EIPR1: variants seen among roughly 807,000 people sequenced by gnomAD.
The protein encoded by EIPR1 is EARP complex and GARP complex interacting protein 1, also known as EARP and GARP complex-interacting protein 1.
EIPR1 carries 25 observed loss-of-function variants against 48.1 expected under a neutral mutation model. That is an observed-to-expected ratio of 0.52 (90% CI 0.38 to 0.73). The LOEUF is 0.73. EIPR1 is among the 30% of genes least tolerant of loss of function. The pLI, the probability that EIPR1 is intolerant of heterozygous loss-of-function variation, is 0.00. For synonymous variants in EIPR1, 204 were observed against 201.9 expected, an observed-to-expected ratio of 1.01 and a Z score of -0.09; for missense variants, 415 against 506.2, an observed-to-expected ratio of 0.82 and a Z score of 1.73.
intron 4 of EIPR1, among the ~76,000 whole-genome samples, chr2:3,235,250 C>T (rs6548134): frequency 0.91 from 139,224 of 152,266 alleles, 64,139 homozygotes; most frequent in East Asian, 0.98. Flanking sequence ...AAAAAGGTGA[C>T]GCCGACATGG....
intron 4 of EIPR1, among the ~76,000 whole-genome samples, chr2:3,215,487 G>A (rs1665600804): frequency 6.6e-6 from 1 of 152,142 alleles, no homozygotes; most frequent in Non-Finnish European, 1.5e-5. Context: ...ATGATACAAT[G>A]CTATTCAGTT....
At chr2:3,328,478 CCAAGCTCTAATGATCTCGGTG>C (rs1669770030) in intron 3 of EIPR1, among the ~76,000 whole-genome samples, 1 of 145,648 alleles carries the variant, frequency 6.9e-6, no homozygotes, top group African/African-American at 2.5e-5. Flanking sequence ...AGCCCACCCA[CCAAGCTCTAATGATCTCGGTG>C]CCAGCCAGGC....
chr2:3,192,018 C>T (rs1327009951), intron 8 of EIPR1, among the ~76,000 whole-genome samples: 2 of 152,206 alleles, frequency 1.3e-5, no homozygotes, highest in Non-Finnish European at 2.9e-5. Context: ...GACCCCAACA[C>T]GCTCAAATCC....
intron 2 of EIPR1, among the ~76,000 whole-genome samples, chr2:3,345,625 GAAA>G (rs879730271): frequency 7.1e-6 from 1 of 141,740 alleles, no homozygotes; most frequent in Non-Finnish European, 1.5e-5. Context: ...ACTCTGTCTG[GAAA>G]AAAAAAAAGA....
chr2:3,224,893 C>T (rs1472274576), intron 4 of EIPR1, among the ~76,000 whole-genome samples: 1 of 152,186 alleles, frequency 6.6e-6, no homozygotes, highest in Non-Finnish European at 1.5e-5. Context: ...TATCTGAATC[C>T]CAGCACCGGA....
intron 2 of EIPR1, among the ~76,000 whole-genome samples, chr2:3,344,322 C>T (rs951692735): frequency 2.0e-5 from 3 of 152,228 alleles, no homozygotes; most frequent in African/African-American, 2.4e-5. Context: ...TGACCAGATC[C>T]TGGACAGAAC....
intron 3 of EIPR1, among the ~76,000 whole-genome samples, chr2:3,299,386 T>G (rs934291650): frequency 6.6e-6 from 1 of 152,042 alleles, no homozygotes; most frequent in African/African-American, 2.4e-5. Context: ...GCGACTCTGC[T>G]TGGGGCTCTG....
At chr2:3,200,348 G>C (rs1364646488) in intron 5 of EIPR1, among the ~76,000 whole-genome samples, 2 of 152,320 alleles carry the variant, frequency 1.3e-5, no homozygotes, top group South Asian at 2.1e-4. Flanking sequence ...GGAAGTCAAA[G>C]GATGTCTCCT....
chr2:3,376,179 C>G (rs183412682), intron 1 of EIPR1, among the ~76,000 whole-genome samples: 3 of 152,282 alleles, frequency 2.0e-5, no homozygotes, highest in East Asian at 1.9e-4. Flanking sequence ...ACACTATGCA[C>G]CAGGCACTGT....
chr2:3,355,382 T>C (rs1251952784), intron 1 of EIPR1, among the ~76,000 whole-genome samples: 1 of 152,196 alleles, frequency 6.6e-6, no homozygotes, highest in African/African-American at 2.4e-5. Context: ...CTCCAAGTCA[T>C]CTCAATCCTG....
At chr2:3,346,132 C>T (rs528342298) in intron 2 of EIPR1, among the ~76,000 whole-genome samples, 33 of 152,346 alleles carry the variant, frequency 2.2e-4, no homozygotes, top group South Asian at 6.2e-4. Context: ...TAGGCCCATG[C>T]GGGAGGGCCA....
intron 3 of EIPR1, among the ~76,000 whole-genome samples, chr2:3,335,817 C>T (rs529957053): frequency 3.3e-5 from 5 of 152,182 alleles, no homozygotes; most frequent in African/African-American, 7.2e-5. Flanking sequence ...CGTCACCCCC[C>T]ACTGTGATTG....
At chr2:3,263,189 C>T (rs1002003401) in intron 3 of EIPR1, among the ~76,000 whole-genome samples, 8 of 152,142 alleles carry the variant, frequency 5.3e-5, no homozygotes, top group Admixed American at 6.5e-5. Context: ...TTGTGAAGAA[C>T]GGTGATCATG....
At chr2:3,359,278 T>C (rs1445059553) in intron 1 of EIPR1, among the ~76,000 whole-genome samples, 1 of 152,198 alleles carries the variant, frequency 6.6e-6, no homozygotes, top group African/African-American at 2.4e-5. Flanking sequence ...GTGGCTACTA[T>C]ACTGAAAAAT....
At chr2:3,359,330 C>G (rs1008302097) in intron 1 of EIPR1, among the ~76,000 whole-genome samples, 1 of 152,134 alleles carries the variant, frequency 6.6e-6, no homozygotes, top group African/African-American at 2.4e-5. Flanking sequence ...TGAGTGACAA[C>G]AATGAACCGG....
At chr2:3,249,100 T>C (rs1666928475) in intron 4 of EIPR1, among the ~76,000 whole-genome samples, 2 of 152,208 alleles carry the variant, frequency 1.3e-5, no homozygotes, top group Admixed American at 1.3e-4. Flanking sequence ...GCTTTGAGAC[T>C]GGGTAACGAG....
intron 3 of EIPR1, among the ~76,000 whole-genome samples, chr2:3,257,780 TG>T (rs1262186235): frequency 6.6e-6 from 1 of 152,126 alleles, no homozygotes; most frequent in Non-Finnish European, 1.5e-5. Flanking sequence ...GGGAGCAAAA[TG>T]GGGGACTAAA....
chr2:3,281,720 T>C (rs1008424961), intron 3 of EIPR1, among the ~76,000 whole-genome samples: 2 of 152,230 alleles, frequency 1.3e-5, no homozygotes, highest in Non-Finnish European at 2.9e-5. Context: ...CAAATATTCT[T>C]ATTTTTACCT....
chr2:3,347,400 A>G (rs1012143500), intron 2 of EIPR1, among the ~76,000 whole-genome samples: 7 of 152,186 alleles, frequency 4.6e-5, no homozygotes, highest in African/African-American at 1.4e-4. Context: ...CTAATAGTGA[A>G]TAAGTCTCAT....
Sources: allele counts gnomAD v4.1 joint callset (sites outside exome capture counted in the v4.1 genomes callset), GRCh38; gene constraint gnomAD v4.1.1; transcripts MANE v1.5; gene names NCBI Gene and HGNC (gene_info 2026-07-23, HGNC 2026-07-21).